The following ICA1 variants were observed in gnomAD, a reference collection of about 807,000 sequenced individuals.
ICA1 encodes 69 kDa islet cell autoantigen.
Under a neutral mutation model 71.0 loss-of-function variants are expected in ICA1, and 40 were observed. The ratio of observed to expected loss-of-function variants is 0.56; its 90% CI spans 0.44 to 0.73. The LOEUF (loss-of-function observed/expected upper bound fraction) is 0.73. Among genes scored for constraint, ICA1 ranks in the 30% least tolerant of loss-of-function variants. The pLI is 0.00. For synonymous variants in ICA1, 207 were observed against 209.5 expected (o/e 0.99, Z 0.10); for missense variants, 578 against 576.5 (o/e 1.00, Z -0.03).
intron 1 of ICA1, among the ~76,000 whole-genome samples, chr7:8,257,452 A>G (rs1810605350): frequency 6.6e-6 from 1 of 152,208 alleles, no homozygotes; most frequent in African/African-American, 2.4e-5. Flanking sequence ...CATTGTTGCA[A>G]TACTTAAGAG....
chr7:8,232,505 C>G, intron 3 of ICA1, 85 bp downstream of exon 3: 2 of 1,161,258 alleles, frequency 1.7e-6, no homozygotes, highest in Non-Finnish European at 2.3e-6. Flanking sequence ...ACAAAGCACA[C>G]CCAGCTCTGC....
chr7:8,174,167 G>A (rs1374296751), intron 6 of ICA1, among the ~76,000 whole-genome samples: 1 of 152,100 alleles, frequency 6.6e-6, no homozygotes, highest in Non-Finnish European at 1.5e-5. Flanking sequence ...TGGAGTATGC[G>A]TGGCTTGTTC....
chr7:8,201,002 G>GTATGGCATTTGATGAGTA (rs1789453561), intron 6 of ICA1, among the ~76,000 whole-genome samples: 1 of 152,176 alleles, frequency 6.6e-6, no homozygotes, highest in South Asian at 2.1e-4. Flanking sequence ...ATTTACTTTA[G>GTATGGCATTTGATGAGTA]TGGTCAATGA....
intron 6 of ICA1, among the ~76,000 whole-genome samples, chr7:8,165,277 C>T (rs1805491312): frequency 6.6e-6 from 1 of 152,200 alleles, no homozygotes; most frequent in Non-Finnish European, 1.5e-5. Context: ...TATGCATCCA[C>T]TCATGGCAGA....
Position 8,127,856 on chromosome 7 carries a change from A to G in ICA1, c.1330+17T>C. On this transcript the variant is annotated intron_variant, in intron 13 of 13. Transcript: ENST00000402384. ...TGAACAAACAAAAAACCCCATTTCAATCCCCACCTTACCTACCTTGTAGCG... is the reference window on the plus strand; with the variant it reads ...TGAACAAACAAAAAACCCCATTTCAGTCCCCACCTTACCTACCTTGTAGCG... The G allele has an allele frequency of 3.2e-6, 5 of 1,577,128 alleles. No homozygotes were observed. The highest frequency in any genetic ancestry group is 4.3e-6 in the Non-Finnish European group (5 of 1,161,400).
intron 3 of ICA1, 127 bp from the exon 4 acceptor site, chr7:8,228,800 T>C: frequency 1.7e-6 from 1 of 573,724 alleles, no homozygotes; most frequent in Non-Finnish European, 3.1e-6. Context: ...GTATGCTTAG[T>C]GTTATGCGGT....
chr7:8,145,505 A>C (rs1227254834), intron 8 of ICA1, among the ~76,000 whole-genome samples: 1 of 152,174 alleles, frequency 6.6e-6, no homozygotes, highest in Non-Finnish European at 1.5e-5. Flanking sequence ...AAGCATGCCA[A>C]ATTCAGGAAA....
At chr7:8,211,099 C>T (rs995461792) in intron 6 of ICA1, among the ~76,000 whole-genome samples, 6 of 152,182 alleles carry the variant, frequency 3.9e-5, no homozygotes, top group African/African-American at 1.4e-4. Flanking sequence ...CAATCCAGAA[C>T]GATAAACACC....
At position 8,144,338 on chromosome 7, in the gene ICA1, G is replaced by A. The variant is rs1292131537; in HGVS notation, c.805-366C>T. On this transcript the variant is annotated intron_variant, in intron 8 of 13. Transcript: ENST00000402384. The surrounding 1 kb of genome is among the most constrained non-coding windows in gnomAD (Gnocchi z 4.5). Reference sequence around the variant, plus strand: ...TTAAGATAAACATTCTGTTCTGTTCGCAGCCCACACACTGACAAAGTAGAA... The same window carrying A: ...TTAAGATAAACATTCTGTTCTGTTCACAGCCCACACACTGACAAAGTAGAA... Among the ~76,000 whole-genome samples the A allele has an allele frequency of 2.6e-5, 4 of 152,054 alleles. No individual in the cohort carries two copies. Among genetic ancestry groups the A allele is most frequent in the Admixed American group, 1.3e-4 (2 of 15,270 alleles).
chr7:8,156,812 A>C, intron 8 of ICA1: 1 of 1,474,210 alleles, frequency 6.8e-7, no homozygotes, highest in South Asian at 1.5e-5. Context: ...AGCAGGACCA[A>C]TCATTAGACT....
intron 1 of ICA1, among the ~76,000 whole-genome samples, chr7:8,261,727 G>A (rs984137433): frequency 7.3e-5 from 11 of 151,184 alleles, no homozygotes; most frequent in Non-Finnish European, 1.5e-4. Context: ...GGCCGGAGCC[G>A]CCGGGAAGGC....
At chr7:8,236,265 T>C (rs1411771511) in intron 1 of ICA1, among the ~76,000 whole-genome samples, 1 of 152,224 alleles carries the variant, frequency 6.6e-6, no homozygotes, top group African/African-American at 2.4e-5. Context: ...AAATATAATA[T>C]CATTTATATA....
intron 5 of ICA1, among the ~76,000 whole-genome samples, chr7:8,219,908 T>C (rs766325410): frequency 1.3e-5 from 2 of 152,238 alleles, no homozygotes; most frequent in Non-Finnish European, 2.9e-5. Flanking sequence ...AATTATATGT[T>C]TAACACATGA....
At position 8,218,559 on chromosome 7, in the gene ICA1, C is replaced by T. The variant is rs1299590883; in HGVS notation, c.381-56G>A. ...AACTAAGCCAGTGAGCAATTTAAAT[C>T]CTTGACATTCTGCCAATCTTAGACT... On this transcript the variant is annotated intron_variant, in intron 5 of 13. Coordinates refer to ENST00000402384, the MANE Select transcript of ICA1 (RefSeq NM_001136020.3). The T allele has an allele frequency of 4.2e-6, 6 of 1,416,666 alleles. No individual in the cohort carries two copies. In the Admixed American group the frequency reaches 8.6e-5, roughly 20 times the overall value. The allele number at this position is 1,416,666 out of a possible 1,614,324, so 87.8% of individuals were successfully genotyped here.
At chr7:8,228,772 A>T in intron 3 of ICA1, 99 bp from the exon 4 acceptor site, 1 of 695,670 alleles carries the variant, frequency 1.4e-6, no homozygotes, top group Non-Finnish European at 2.4e-6. Flanking sequence ...TTTGCCAAAA[A>T]CAAGACCACA....
chr7:8,192,618 T>A (rs1786067946), intron 6 of ICA1, among the ~76,000 whole-genome samples: 1 of 152,220 alleles, frequency 6.6e-6, no homozygotes, highest in Non-Finnish European at 1.5e-5. Flanking sequence ...TTCCATCCAT[T>A]AGTTTTCATA....
chr7:8,118,472 G>A, intron 13 of ICA1, among the ~76,000 whole-genome samples: 1 of 152,158 alleles, frequency 6.6e-6, no homozygotes, highest in East Asian at 1.9e-4. Context: ...CTCTTACAGT[G>A]GGTGAAGTTT....
At chr7:8,134,929 G>T (rs1792858954) in intron 12 of ICA1, among the ~76,000 whole-genome samples, 1 of 152,086 alleles carries the variant, frequency 6.6e-6, no homozygotes, top group Admixed American at 6.5e-5. Flanking sequence ...CCCTAAGCTT[G>T]CTACTCCATT....
chr7:8,155,660 C>T (rs1031045656), intron 8 of ICA1, among the ~76,000 whole-genome samples: 8 of 152,220 alleles, frequency 5.3e-5, no homozygotes, highest in South Asian at 2.1e-4. Context: ...AAAGAAAACC[C>T]GATGCACATG....
Sources: allele counts gnomAD v4.1 joint callset (sites outside exome capture counted in the v4.1 genomes callset), GRCh38; gene constraint gnomAD v4.1.1; non-coding constraint Gnocchi (gnomAD v3.1); transcripts MANE v1.5; gene names NCBI Gene and HGNC (gene_info 2026-07-23, HGNC 2026-07-21).